The following CCDC178 variants were observed in gnomAD, a reference collection of about 807,000 sequenced individuals.
The protein encoded by CCDC178 is coiled-coil domain-containing protein 178.
Under a neutral mutation model 117.4 loss-of-function variants are expected in CCDC178, and 126 were observed. The observed-to-expected ratio is 1.07, with a 90% CI of 0.93 to 1.24. The LOEUF is 1.24. Ranked by LOEUF, CCDC178 falls within the 50% of genes most tolerant of loss-of-function variation. CCDC178 has a pLI of 0.00. For synonymous variants in CCDC178, 283 were observed against 313.4 expected (o/e 0.90, Z 1.02); for missense variants, 1,030 against 986.9 (o/e 1.04, Z -0.59).
chr18:33,013,564 A>T (rs1217529105), intron 21 of CCDC178, among the ~76,000 whole-genome samples: 3 of 152,136 alleles, frequency 2.0e-5, no homozygotes, highest in Non-Finnish European at 4.4e-5. Flanking sequence ...ATTTATTTTT[A>T]TATTTACTAT....
chr18:33,436,517 A>C (rs561684691), intron 2 of CCDC178, among the ~76,000 whole-genome samples: 1 of 152,284 alleles, frequency 6.6e-6, no homozygotes, highest in African/African-American at 2.4e-5. Flanking sequence ...TCCACAATCT[A>C]TGCATCTAAT....
intron 20 of CCDC178, among the ~76,000 whole-genome samples, chr18:33,181,473 A>G (rs1034291964): frequency 1.5e-4 from 23 of 151,966 alleles, no homozygotes; most frequent in African/African-American, 4.8e-4. Flanking sequence ...AACAATAAGC[A>G]TCTGAGTACT....
chr18:33,058,742 T>C (rs73417417), intron 21 of CCDC178, among the ~76,000 whole-genome samples: 2,168 of 152,214 alleles, frequency 0.014, 56 homozygotes, highest in African/African-American at 0.049. Flanking sequence ...CATATTCAGG[T>C]TTTTTTAAGG....
chr18:33,090,749 G>A (rs938783538), intron 21 of CCDC178, among the ~76,000 whole-genome samples: 4 of 152,146 alleles, frequency 2.6e-5, no homozygotes, highest in Non-Finnish European at 1.5e-5. Flanking sequence ...ATGATTGGAA[G>A]TACAAATAAA....
At chr18:33,162,701 G>C (rs549609417) in intron 20 of CCDC178, among the ~76,000 whole-genome samples, 2 of 152,164 alleles carry the variant, frequency 1.3e-5, no homozygotes, top group African/African-American at 2.4e-5. Flanking sequence ...TTCTGTTCCT[G>C]CATTAGTTTG....
At chr18:32,997,572 CTT>C (rs2055539909) in intron 21 of CCDC178, among the ~76,000 whole-genome samples, 1 of 152,030 alleles carries the variant, frequency 6.6e-6, no homozygotes, top group South Asian at 2.1e-4. Context: ...AAATCTCTCT[CTT>C]GTTCTCTCTT....
chr18:33,298,266 T>C (rs2062132338), intron 11 of CCDC178, among the ~76,000 whole-genome samples: 1 of 152,058 alleles, frequency 6.6e-6, no homozygotes, highest in African/African-American at 2.4e-5. Context: ...TATATCAAAA[T>C]GATAACACAC....
Position 33,152,358 on chromosome 18 carries a change from G to T in CCDC178, c.2239-59448C>A, listed in dbSNP as rs541080742. 6.5e-4 allele frequency among the ~76,000 whole-genome samples: 99 copies of T among 151,834 alleles called. 1 individual carries two copies. The highest frequency in any genetic ancestry group is 1.3e-3 in the Non-Finnish European group (89 of 67,988). The stretch of plus-strand genomic sequence containing the variant: ...TTTACAAAAATGGTCATAATATTTT[G>T]CAGTTTCTCCTATCCCTTGAATCTG... On this transcript the variant is annotated intron_variant, in intron 20 of 22. Coordinates refer to ENST00000383096, the MANE Select transcript of CCDC178 (RefSeq NM_001105528.4).
At chr18:33,225,480 T>C (rs936827052) in intron 16 of CCDC178, among the ~76,000 whole-genome samples, 19 of 152,266 alleles carry the variant, frequency 1.2e-4, no homozygotes, top group African/African-American at 4.1e-4. Context: ...TATTTAAAGA[T>C]AATACAGTTA....
chr18:33,401,969 CTATT>C (rs1233305537), intron 3 of CCDC178, among the ~76,000 whole-genome samples: 4 of 152,004 alleles, frequency 2.6e-5, no homozygotes, highest in Non-Finnish European at 4.4e-5. Context: ...AATAAACTAG[CTATT>C]TAATAATAAT....
intron 20 of CCDC178, among the ~76,000 whole-genome samples, chr18:33,147,356 ATTTTTT>A (rs575608507): frequency 1.1e-5 from 1 of 94,642 alleles, no homozygotes; most frequent in African/African-American, 4.7e-5. Context: ...TGCCTTTTTA[ATTTTTT>A]TTTTTTTTTT....
chr18:33,032,866 T>A (rs1302100940), intron 21 of CCDC178, among the ~76,000 whole-genome samples: 1 of 152,128 alleles, frequency 6.6e-6, no homozygotes, highest in Non-Finnish European at 1.5e-5. Context: ...TCTGACACCC[T>A]TAATTAAGGC....
At chr18:33,432,502 C>CAG (rs980689150) in intron 2 of CCDC178, among the ~76,000 whole-genome samples, 3 of 151,608 alleles carry the variant, frequency 2.0e-5, no homozygotes, top group African/African-American at 7.3e-5. Flanking sequence ...CACACACACA[C>CAG]ACACACACAC....
At chr18:33,241,352 T>C (rs1568081292) in intron 15 of CCDC178, among the ~76,000 whole-genome samples, 2 of 151,068 alleles carry the variant, frequency 1.3e-5, no homozygotes, top group Non-Finnish European at 3.0e-5. Context: ...TCAGAGCAAT[T>C]GGGCAAGAAA....
intron 12 of CCDC178, among the ~76,000 whole-genome samples, chr18:33,278,356 G>T (rs1218780479): frequency 6.7e-6 from 1 of 148,360 alleles, no homozygotes; most frequent in Non-Finnish European, 1.5e-5. Flanking sequence ...CATTTTTTAA[G>T]AGATAATCAC....
chr18:33,369,465 T>A (rs542933685), intron 6 of CCDC178, among the ~76,000 whole-genome samples: 1 of 152,138 alleles, frequency 6.6e-6, no homozygotes, highest in African/African-American at 2.4e-5. Context: ...TAATTCTGCA[T>A]TAGTTGTTCA....
At position 33,104,619 on chromosome 18, in the gene CCDC178, C is replaced by T. The variant is rs530771051; in HGVS notation, c.2239-11709G>A. Among the ~76,000 whole-genome samples, 5 of 151,722 alleles carry T rather than the reference C, an allele frequency of 3.3e-5. No individual in the cohort carries two copies. The Admixed American group carries it at 3.3e-4, about 10-fold the overall frequency. ...ACATTAAGGTGTGGAAATAGAAATA[C>T]GTCAAAAAACTAAAAATCTCTGGGG... On this transcript the variant is annotated intron_variant, in intron 20 of 22. Transcript: ENST00000383096.
At chr18:33,112,598 G>C (rs1230692382) in intron 20 of CCDC178, among the ~76,000 whole-genome samples, 1 of 151,820 alleles carries the variant, frequency 6.6e-6, no homozygotes, top group Admixed American at 6.6e-5. Context: ...ATAAAGTGAA[G>C]AGCTCAGCAC....
intron 2 of CCDC178, among the ~76,000 whole-genome samples, chr18:33,436,083 A>T (rs1224429062): frequency 6.6e-6 from 1 of 152,184 alleles, no homozygotes; most frequent in African/African-American, 2.4e-5. Flanking sequence ...CAATAAAGAA[A>T]AGGAATTTTG....
Sources: allele counts gnomAD v4.1 joint callset (sites outside exome capture counted in the v4.1 genomes callset), GRCh38; gene constraint gnomAD v4.1.1; transcripts MANE v1.5; gene names NCBI Gene and HGNC (gene_info 2026-07-23, HGNC 2026-07-21).